OSBPL8: variants seen among roughly 807,000 people sequenced by gnomAD.
The protein encoded by OSBPL8 is oxysterol-binding protein-related protein 8.
Under a neutral mutation model 125.5 loss-of-function variants are expected in OSBPL8, and 59 were observed. That is an observed-to-expected ratio of 0.47 (90% confidence interval 0.38 to 0.58). The LOEUF is 0.58. Among genes scored for constraint, OSBPL8 ranks in the 20% least tolerant of loss-of-function variants. The probability of loss-of-function intolerance (pLI) is 0.00; values close to 1 mark genes in which losing one functional copy is unlikely to be tolerated. For synonymous variants in OSBPL8, 330 were observed against 338.9 expected, an observed-to-expected ratio of 0.97 and a Z score of 0.29; for missense variants, 758 against 1,047.8, an observed-to-expected ratio of 0.72 and a Z score of 3.82.
At chr12:76,457,811 T>C (rs1406323826) in intron 3 of OSBPL8, among the ~76,000 whole-genome samples, 1 of 152,150 alleles carries the variant, frequency 6.6e-6, no homozygotes, top group Non-Finnish European at 1.5e-5. Flanking sequence ...TAAGATAAAA[T>C]ATTTCAGTTA....
At chr12:76,386,017 G>GT (rs1953293865) in intron 14 of OSBPL8, 151 bp downstream of exon 14, 1 of 1,058,022 alleles carries the variant, frequency 9.5e-7, no homozygotes, top group African/African-American at 1.6e-5. Context: ...TAGTACTTTA[G>GT]TAGTATTTAA....
chr12:76,390,806 T>G, intron 10 of OSBPL8, 149 bp from the exon 11 acceptor site: 1 of 595,700 alleles, frequency 1.7e-6, no homozygotes, highest in South Asian at 2.2e-5. Context: ...CACTTAATCT[T>G]CAAAATAACC....
chr12:76,437,188 TCTTTAA>T (rs1871565423), intron 4 of OSBPL8, among the ~76,000 whole-genome samples: 8 of 152,218 alleles, frequency 5.3e-5, no homozygotes, highest in Admixed American at 4.6e-4. Flanking sequence ...TTAGAGTTTA[TCTTTAA>T]CTTTGCTACA....
intron 1 of OSBPL8, among the ~76,000 whole-genome samples, chr12:76,501,067 TTGAG>T (rs1445013729): frequency 3.3e-5 from 5 of 150,546 alleles, no homozygotes; most frequent in East Asian, 3.8e-4. Context: ...TAATTATTTA[TTGAG>T]TAATTGTATG....
In OSBPL8 at chr12:76,354,039, T is replaced by C. The variant is rs1454801097; in HGVS notation, c.*1850A>G. 6.6e-6 allele frequency: 1 copy of C among 152,400 alleles called. No individual in the cohort carries two copies. The highest frequency in any genetic ancestry group is 1.5e-5 in the Non-Finnish European group (1 of 67,826). The allele number at this position is 152,400 out of a possible 1,614,324, so 9.4% of individuals were successfully genotyped here. On this transcript the variant is annotated 3_prime_UTR_variant, in exon 24 of 24. Transcript: ENST00000261183. ...ATGATTTTTGTGATAAGCCAATCAA[T>C]TTGTATGTAATTAACTAATTTAAAC...
At chr12:76,554,846 T>C (rs1259266337) in intron 1 of OSBPL8, among the ~76,000 whole-genome samples, 1 of 152,232 alleles carries the variant, frequency 6.6e-6, no homozygotes, top group African/African-American at 2.4e-5. Context: ...ATGACTCTTC[T>C]TAGTCTTTGT....
intron 1 of OSBPL8, among the ~76,000 whole-genome samples, chr12:76,514,437 C>T (rs563686438): frequency 2.0e-5 from 3 of 151,408 alleles, no homozygotes; most frequent in Admixed American, 6.6e-5. Flanking sequence ...AAGCATGAGC[C>T]GGCTAGAAAT....
At chr12:76,549,716 C>A (rs1950882629) in intron 1 of OSBPL8, among the ~76,000 whole-genome samples, 1 of 152,090 alleles carries the variant, frequency 6.6e-6, no homozygotes. Context: ...TCCCTAGATG[C>A]TAGAAGACAA....
At chr12:76,436,158 T>C (rs1473947700) in intron 4 of OSBPL8, among the ~76,000 whole-genome samples, 1 of 152,152 alleles carries the variant, frequency 6.6e-6, no homozygotes, top group African/African-American at 2.4e-5. Flanking sequence ...TGTTTATATA[T>C]TGGTGCCAAT....
intron 1 of OSBPL8, among the ~76,000 whole-genome samples, chr12:76,548,027 A>T (rs764176210): frequency 7.9e-5 from 12 of 152,150 alleles, no homozygotes; most frequent in Non-Finnish European, 7.3e-5. Context: ...TCTATGAATA[A>T]ATCTGCATTA....
intron 1 of OSBPL8, among the ~76,000 whole-genome samples, chr12:76,515,924 T>C (rs1200754002): frequency 6.6e-6 from 1 of 152,072 alleles, no homozygotes; most frequent in Non-Finnish European, 1.5e-5. Flanking sequence ...TGTTCTACAA[T>C]TAAGAAATAT....
intron 4 of OSBPL8, among the ~76,000 whole-genome samples, chr12:76,438,818 C>A (rs577820905): frequency 6.6e-6 from 1 of 152,190 alleles, no homozygotes; most frequent in East Asian, 1.9e-4. Context: ...CTGGAACAAC[C>A]CTGATGTGAG....
In OSBPL8 at chr12:76,459,893, A is replaced by C; in HGVS notation, c.45T>G (p.Leu15=). The C allele has an allele frequency of 6.2e-7, 1 of 1,613,792 alleles. No individual in the cohort carries two copies. Among genetic ancestry groups the C allele is most frequent in the Non-Finnish European group, 8.5e-7 (1 of 1,179,950 alleles). Residue 15 remains leucine (L), a splice_region_variant and synonymous_variant, in exon 3 of 24, where the codon CTT becomes CTG. Transcript: ENST00000261183. ...CAAGGACATCTTTGCTATCACCAAG[A>C]AGCTTTTAAGGCAGGGTAATTGAGC... ...LADGEPDRTS[L]LGDSKDVLGP...
chr12:76,474,701 T>G (rs1047792936), intron 2 of OSBPL8, among the ~76,000 whole-genome samples: 3 of 152,158 alleles, frequency 2.0e-5, no homozygotes, highest in Non-Finnish European at 4.4e-5. Flanking sequence ...CAGGCTAGTC[T>G]TGAACTCCCA....
intron 15 of OSBPL8, among the ~76,000 whole-genome samples, chr12:76,382,285 T>G (rs937385834): frequency 6.6e-6 from 1 of 152,238 alleles, no homozygotes; most frequent in South Asian, 2.1e-4. Context: ...TTTAAATTTT[T>G]TAAAGAATTT....
intron 16 of OSBPL8, 96 bp downstream of exon 16, chr12:76,378,356 C>G: frequency 1.2e-6 from 1 of 820,762 alleles, no homozygotes; most frequent in Non-Finnish European, 1.9e-6. Flanking sequence ...AAATGTAAGT[C>G]TGACTCCATC....
In OSBPL8 at chr12:76,477,137, C is replaced by G. The variant is rs375983070; in HGVS notation, c.42+10373G>C. ...TCTTGGTTCCTTTTGTCATATCAGGCAGCTGTCAATTATTCTTTCTTTAAG... is the reference window on the plus strand; with the variant it reads ...TCTTGGTTCCTTTTGTCATATCAGGGAGCTGTCAATTATTCTTTCTTTAAG... On this transcript the variant is annotated intron_variant, in intron 2 of 23. Coordinates refer to ENST00000261183, the MANE Select transcript of OSBPL8 (RefSeq NM_020841.5). Among the ~76,000 whole-genome samples the G allele has an allele frequency of 9.9e-5, 15 of 152,242 alleles. No individual in the cohort carries two copies. In the East Asian group the frequency reaches 1.5e-3, roughly 16 times the overall value.
chr12:76,369,584 GCAACAAA>G, intron 20 of OSBPL8, 46 bp downstream of exon 20: 1 of 1,513,592 alleles, frequency 6.6e-7, no homozygotes, highest in Non-Finnish European at 9.0e-7. Context: ...AGAAATAAAG[GCAACAAA>G]CCATGCTAAT....
At chr12:76,505,785 T>C (rs568674184) in intron 1 of OSBPL8, among the ~76,000 whole-genome samples, 13 of 152,148 alleles carry the variant, frequency 8.5e-5, no homozygotes, top group African/African-American at 2.9e-4. Flanking sequence ...GCAAGTGGAA[T>C]AGGGAACAGT....
Sources: allele counts gnomAD v4.1 joint callset (sites outside exome capture counted in the v4.1 genomes callset), GRCh38; gene constraint gnomAD v4.1.1; transcripts MANE v1.5; gene names NCBI Gene and HGNC (gene_info 2026-07-23, HGNC 2026-07-21).